Variants in MAGI2 observed in about 807,000 individuals in gnomAD.
MAGI2 encodes the protein membrane associated guanylate kinase, WW and PDZ domain containing 2.
Under a neutral mutation model 133.3 loss-of-function variants are expected in MAGI2, and 35 were observed. The ratio of observed to expected loss-of-function variants is 0.26; its 90% CI spans 0.20 to 0.35. The LOEUF is 0.35. Ranked by LOEUF, MAGI2 falls within the 10% of genes least tolerant of loss-of-function variation. The pLI, the probability that MAGI2 is intolerant of heterozygous loss-of-function variation, is 1.00. For synonymous variants in MAGI2, 729 were observed against 710.6 expected (o/e 1.03, Z -0.41); for missense variants, 1,636 against 1,863.4 (o/e 0.88, Z 2.25).
At chr7:79,113,418 A>G (rs751250180) in intron 1 of MAGI2, among the ~76,000 whole-genome samples, 6 of 152,084 alleles carry the variant, frequency 3.9e-5, no homozygotes, top group Non-Finnish European at 7.4e-5. Context: ...CTGATTACCC[A>G]TTTTCATAAA....
At chr7:79,149,535 A>G (rs1329594198) in intron 1 of MAGI2, among the ~76,000 whole-genome samples, 1 of 152,188 alleles carries the variant, frequency 6.6e-6, no homozygotes, top group African/African-American at 2.4e-5. Flanking sequence ...GGAGGAAGCC[A>G]TGATTTTCAT....
intron 1 of MAGI2, among the ~76,000 whole-genome samples, chr7:79,359,434 A>T (rs1842230700): frequency 6.6e-6 from 1 of 152,106 alleles, no homozygotes; most frequent in African/African-American, 2.4e-5. Context: ...ATTTTAAAAA[A>T]TAATGCCTGA....
intron 1 of MAGI2, among the ~76,000 whole-genome samples, chr7:79,238,688 A>G (rs904179059): frequency 1.3e-5 from 2 of 152,158 alleles, no homozygotes; most frequent in Admixed American, 6.5e-5. Context: ...GTTTCTCTTA[A>G]ATATTATTTG....
chr7:78,919,139 CATT>C (rs1799032330), intron 2 of MAGI2, among the ~76,000 whole-genome samples: 1 of 152,084 alleles, frequency 6.6e-6, no homozygotes, highest in Non-Finnish European at 1.5e-5. Flanking sequence ...CTACCCAAGC[CATT>C]ATTTCTCCAT....
Position 78,736,632 on chromosome 7 carries a change from A to G in MAGI2, c.419-109393T>C, listed in dbSNP as rs992463123. Among the ~76,000 whole-genome samples the G allele has an allele frequency of 5.3e-5, 8 of 152,160 alleles. No individual in the cohort carries two copies. In the East Asian group the frequency reaches 1.5e-3, roughly 29 times the overall value. ...CAATTTCATAATAGTATTAATACTA[A>G]TACTTTATTGTCCTCCCTTTTCTAT... On this transcript the variant is annotated intron_variant, in intron 2 of 21. Coordinates refer to ENST00000354212, the MANE Select transcript of MAGI2 (RefSeq NM_012301.4).
At chr7:78,439,548 G>A (rs1787393808) in intron 6 of MAGI2, among the ~76,000 whole-genome samples, 1 of 152,128 alleles carries the variant, frequency 6.6e-6, no homozygotes, top group African/African-American at 2.4e-5. Context: ...CACAGCAAGA[G>A]TGAAGTCATG....
At chr7:79,436,992 A>G (rs1424028854) in intron 1 of MAGI2, among the ~76,000 whole-genome samples, 1 of 152,220 alleles carries the variant, frequency 6.6e-6, no homozygotes, top group East Asian at 1.9e-4. Flanking sequence ...TGGTACATAT[A>G]CACCATGGAT....
intron 2 of MAGI2, among the ~76,000 whole-genome samples, chr7:78,825,596 AG>A (rs1286483343): frequency 1.3e-5 from 2 of 152,228 alleles, no homozygotes; most frequent in African/African-American, 4.8e-5. Context: ...ATAAAAAACT[AG>A]TTTTTTTAAA....
chr7:78,941,583 G>A (rs1020497925), intron 2 of MAGI2, among the ~76,000 whole-genome samples: 7 of 151,946 alleles, frequency 4.6e-5, no homozygotes, highest in Non-Finnish European at 7.4e-5. Flanking sequence ...CCATCCACCT[G>A]CCTTGGCCTC....
chr7:78,065,543 G>C, intron 21 of MAGI2: 1 of 663,704 alleles, frequency 1.5e-6, no homozygotes, highest in African/African-American at 1.8e-5. Context: ...GCTCATTAGA[G>C]AAAGATAATA....
chr7:79,242,945 A>C (rs1210401519), intron 1 of MAGI2, among the ~76,000 whole-genome samples: 1 of 152,140 alleles, frequency 6.6e-6, no homozygotes, highest in Admixed American at 6.6e-5. Flanking sequence ...GGCTAGGCAC[A>C]GTGGCTCACA....
At chr7:78,068,176 A>G (rs908488425) in intron 21 of MAGI2, among the ~76,000 whole-genome samples, 2 of 152,180 alleles carry the variant, frequency 1.3e-5, no homozygotes, top group Admixed American at 6.5e-5. Context: ...CAGGCATTAC[A>G]TGCTCATAAG....
At chr7:78,167,473 C>G (rs191356521) in intron 15 of MAGI2, among the ~76,000 whole-genome samples, 201 of 152,282 alleles carry the variant, frequency 1.3e-3, no homozygotes, top group African/African-American at 4.5e-3. Context: ...TCAGGAGCAA[C>G]AGCTTTATTG....
At chr7:78,868,071 T>G (rs1384852975) in intron 2 of MAGI2, among the ~76,000 whole-genome samples, 1 of 152,122 alleles carries the variant, frequency 6.6e-6, no homozygotes, top group Admixed American at 6.5e-5. Context: ...TAATCTTCAC[T>G]GGAAATACTG....
At chr7:78,731,601 T>A (rs1490787346) in intron 2 of MAGI2, among the ~76,000 whole-genome samples, 1 of 152,092 alleles carries the variant, frequency 6.6e-6, no homozygotes, top group Non-Finnish European at 1.5e-5. Flanking sequence ...CCTATTAAAG[T>A]GACATTTAGC....
chr7:78,858,101 C>T (rs1381730528), intron 2 of MAGI2, among the ~76,000 whole-genome samples: 1 of 152,012 alleles, frequency 6.6e-6, no homozygotes, highest in East Asian at 1.9e-4. Context: ...GGTGATATCC[C>T]CTTTATCATT....
rs186282175 is a variant in MAGI2 at position 79,406,760 on chromosome 7, C to T, written c.301+46260G>A. Among the ~76,000 whole-genome samples, 6 of 152,116 alleles carry T rather than the reference C, an allele frequency of 3.9e-5. No individual in the cohort carries two copies. In the East Asian group the frequency reaches 1.2e-3, roughly 29 times the overall value. ...AGTGCCAACTATTTGTAAAGCTCTG[C>T]GTAAAAGGCTGTGAAGAAAACAGAA... is the stretch of plus-strand genomic sequence containing the variant. On this transcript the variant is annotated intron_variant, in intron 1 of 21. Coordinates refer to ENST00000354212, the MANE Select transcript of MAGI2 (RefSeq NM_012301.4).
At chr7:79,315,537 T>A (rs1480262366) in intron 1 of MAGI2, among the ~76,000 whole-genome samples, 20 of 151,936 alleles carry the variant, frequency 1.3e-4, no homozygotes, top group Admixed American at 1.2e-3. Context: ...ATATTCAACG[T>A]TAGATAATTT....
At chr7:78,934,296 G>A (rs144752463) in intron 2 of MAGI2, among the ~76,000 whole-genome samples, 123 of 152,140 alleles carry the variant, frequency 8.1e-4, no homozygotes, top group East Asian at 5.0e-3. Context: ...TAGAGACAGC[G>A]TTTTACTACG....
Sources: allele counts gnomAD v4.1 joint callset (sites outside exome capture counted in the v4.1 genomes callset), GRCh38; gene constraint gnomAD v4.1.1; transcripts MANE v1.5; gene names NCBI Gene and HGNC (gene_info 2026-07-23, HGNC 2026-07-21).